The following CEMIP variants were observed in gnomAD, a reference collection of about 807,000 sequenced individuals.
CEMIP encodes cell migration-inducing and hyaluronan-binding protein.
Under a neutral mutation model 156.9 loss-of-function variants are expected in CEMIP, and 105 were observed. That is an observed-to-expected ratio of 0.67 (90% CI 0.57 to 0.79). CEMIP has a LOEUF of 0.79. Ranked by LOEUF, CEMIP falls within the 30% of genes least tolerant of loss-of-function variation. The pLI is 0.00. For missense variants in CEMIP, 1,457 were observed against 1,769.4 expected, an observed-to-expected ratio of 0.82 and a Z score of 3.17; for synonymous variants, 676 against 668.4, an observed-to-expected ratio of 1.01 and a Z score of -0.17.
At position 80,889,052 on chromosome 15, in the gene CEMIP, C is replaced by T. The variant is rs76868414; in HGVS notation, c.964+256C>T. 0.04 allele frequency among the ~76,000 whole-genome samples: 6,150 copies of T among 152,242 alleles called. 237 individuals carry two copies. The highest frequency in any genetic ancestry group is 0.17 in the East Asian group (869 of 5,180). On this transcript the variant is annotated intron_variant, in intron 9 of 29. Transcript: ENST00000394685. ...GGTCTGCGGCATTCAGCTTAGTTCA[C>T]GGAATATCTTTGATGTGGCAGGCAA...
chr15:80,842,061 G>A (rs1195090712), intron 1 of CEMIP: 1 of 530,348 alleles, frequency 1.9e-6, no homozygotes, highest in South Asian at 1.4e-5. Context: ...ATATATTCTT[G>A]AGTTGCATGT....
At chr15:80,921,922 T>C (rs1900487482) in intron 16 of CEMIP, 87 bp from the exon 17 acceptor site, 17 of 1,577,778 alleles carry the variant, frequency 1.1e-5, no homozygotes, top group Non-Finnish European at 1.5e-5. Context: ...ACTAGACCCA[T>C]CTCCGGCGTG....
At chr15:80,925,543 G>A (rs1596195862) in intron 18 of CEMIP, 81 bp from the exon 19 acceptor site, 3 of 1,571,604 alleles carry the variant, frequency 1.9e-6, no homozygotes, top group East Asian at 2.3e-5. Context: ...AGTAGAGAGA[G>A]GCTCACAGAG....
At chr15:80,904,596 A>G (rs1439949959) in intron 12 of CEMIP, among the ~76,000 whole-genome samples, 1 of 152,170 alleles carries the variant, frequency 6.6e-6, no homozygotes, top group Non-Finnish European at 1.5e-5. Flanking sequence ...TAAAAGAGGG[A>G]CACAGGAAGG....
In CEMIP at chr15:80,812,168, C is replaced by T. The variant is rs141839406; in HGVS notation, c.-176+32554C>T. 5.7e-4 allele frequency among the ~76,000 whole-genome samples: 87 copies of T among 152,242 alleles called. No individual in the cohort carries two copies. The East Asian group carries it at 0.014, about 25-fold the overall frequency. ...AGCTGGGATTACAGGCGCATGACAC[C>T]GGGCTGGCTTGATGTCCTGTTTTAA... On this transcript the variant is annotated intron_variant, in intron 1 of 29. Coordinates refer to ENST00000394685, the MANE Select transcript of CEMIP (RefSeq NM_001293298.2).
intron 1 of CEMIP, among the ~76,000 whole-genome samples, chr15:80,794,640 AT>A (rs201683848): frequency 5.3e-5 from 8 of 152,176 alleles, no homozygotes; most frequent in Admixed American, 6.5e-5. Flanking sequence ...GATTGTTTAC[AT>A]TTTTTTATAC....
At chr15:80,900,999 GAAA>G (rs759819144) in intron 12 of CEMIP, 1 of 453,948 alleles carries the variant, frequency 2.2e-6, no homozygotes, top group South Asian at 1.6e-5. Context: ...ACATAGTAAT[GAAA>G]ATGCATGAAT....
At chr15:80,816,272 G>A (rs1025250285) in intron 1 of CEMIP, among the ~76,000 whole-genome samples, 10 of 152,116 alleles carry the variant, frequency 6.6e-5, no homozygotes, top group African/African-American at 2.4e-4. Context: ...CTCAGTGGTG[G>A]CTGAGGCAGG....
At chr15:80,897,623 T>C (rs1899288582) in intron 12 of CEMIP, among the ~76,000 whole-genome samples, 1 of 152,216 alleles carries the variant, frequency 6.6e-6, no homozygotes, top group South Asian at 2.1e-4. Context: ...CTTGACAAAG[T>C]AACAGAGTCT....
intron 14 of CEMIP, among the ~76,000 whole-genome samples, chr15:80,910,927 C>A (rs532303232): frequency 6.6e-6 from 1 of 152,270 alleles, no homozygotes; most frequent in Admixed American, 6.5e-5. Flanking sequence ...AGAATGTTTT[C>A]TGGCTGAAGC....
intron 6 of CEMIP, among the ~76,000 whole-genome samples, chr15:80,882,783 T>TAC (rs1409446427): frequency 9.0e-5 from 13 of 145,214 alleles, no homozygotes; most frequent in African/African-American, 3.0e-4. Context: ...CACACACACA[T>TAC]ACACACACAC....
chr15:80,925,916 G>A (rs1053637396), intron 19 of CEMIP, among the ~76,000 whole-genome samples, 161 bp downstream of exon 19: 3 of 152,144 alleles, frequency 2.0e-5, no homozygotes, highest in Admixed American at 6.5e-5. Context: ...ATGGCAGCAG[G>A]CAGTGGCCAA....
Position 80,895,931 on chromosome 15 carries a change from G to GATA in CEMIP, c.1285_1287dup (p.Asn429dup). On this transcript the variant is annotated inframe_insertion, in exon 12 of 30. Coordinates refer to ENST00000394685, the MANE Select transcript of CEMIP (RefSeq NM_001293298.2). ...GAACAGCACCATTCTGAACTTGGAG[G>GATA]ATAATGTACAGTCATGGAAACCTGG... 1 of 1,614,178 alleles carries GATA rather than the reference G, an allele frequency of 6.2e-7. No individual in the cohort carries two copies. Among genetic ancestry groups the GATA allele is most frequent in the Non-Finnish European group, 8.5e-7 (1 of 1,180,030 alleles).
chr15:80,887,879 T>A (rs1437196829), intron 8 of CEMIP, 115 bp downstream of exon 8: 2 of 876,998 alleles, frequency 2.3e-6, no homozygotes, highest in Non-Finnish European at 3.7e-6. Context: ...GCTCCCAATG[T>A]CTAGATGAGT....
At chr15:80,835,814 G>C (rs1897259187) in intron 1 of CEMIP, among the ~76,000 whole-genome samples, 1 of 152,136 alleles carries the variant, frequency 6.6e-6, no homozygotes, top group East Asian at 1.9e-4. Context: ...GTTTCTCTCT[G>C]CCTCACTGTT....
chr15:80,914,113 A>G (rs1900172027), intron 14 of CEMIP, among the ~76,000 whole-genome samples: 1 of 152,140 alleles, frequency 6.6e-6, no homozygotes, highest in Non-Finnish European at 1.5e-5. Flanking sequence ...TGTAGGCTGG[A>G]TAGTGGGGGT....
rs564741484 is a variant in CEMIP, at chr15:80,829,714, G to A, written c.-175-43824G>A. 8.5e-5 allele frequency among the ~76,000 whole-genome samples: 13 copies of A among 152,318 alleles called. No individual in the cohort carries two copies. In the South Asian group the frequency reaches 2.3e-3, roughly 27 times the overall value. ...AACAGAGATTTGCTGCACAGGCTCT[G>A]GGCCTAATGTAGATGCACCTAGAAG... On this transcript the variant is annotated intron_variant, in intron 1 of 29. Transcript: ENST00000394685.
chr15:80,840,686 GC>G (rs747024081), intron 1 of CEMIP, among the ~76,000 whole-genome samples: 19 of 152,190 alleles, frequency 1.2e-4, no homozygotes, highest in Non-Finnish European at 2.4e-4. Flanking sequence ...CCGGCCCTGG[GC>G]CCTGCAGCGC....
chr15:80,878,923 A>G, intron 4 of CEMIP, 56 bp downstream of exon 4: 2 of 1,608,466 alleles, frequency 1.2e-6, no homozygotes, highest in Non-Finnish European at 1.7e-6. Context: ...AGAGCTTAGC[A>G]GATAGGATGC....
Sources: allele counts gnomAD v4.1 joint callset (sites outside exome capture counted in the v4.1 genomes callset), GRCh38; gene constraint gnomAD v4.1.1; transcripts MANE v1.5; gene names NCBI Gene and HGNC (gene_info 2026-07-23, HGNC 2026-07-21).